The following DLGAP2 variants were observed in gnomAD, a reference collection of about 807,000 sequenced individuals.
DLGAP2 encodes the protein DLG associated protein 2.
Under a neutral mutation model 100.3 loss-of-function variants are expected in DLGAP2, and 26 were observed. The ratio of observed to expected loss-of-function variants is 0.26; its 90% CI spans 0.19 to 0.36. DLGAP2 has a LOEUF of 0.36. DLGAP2 is among the 10% of genes least tolerant of loss of function. The pLI, the probability that DLGAP2 is intolerant of heterozygous loss-of-function variation, is 1.00. For missense variants in DLGAP2, 1,858 were observed against 1,453.2 expected (o/e 1.28, Z -4.53); for synonymous variants, 886 against 630.1 (o/e 1.41, Z -6.08).
At chr8:809,458 G>GTT (rs11464466) in intron 1 of DLGAP2, among the ~76,000 whole-genome samples, 389 of 145,850 alleles carry the variant, frequency 2.7e-3, no homozygotes, top group South Asian at 4.8e-3. Context: ...TCTCTGGCAG[G>GTT]TTTTTTTTTT....
intron 2 of DLGAP2, among the ~76,000 whole-genome samples, chr8:958,611 C>A (rs1276786373): frequency 2.0e-5 from 3 of 150,684 alleles, no homozygotes; most frequent in African/African-American, 7.3e-5. Flanking sequence ...AAAACTTTTC[C>A]CGGGGATGTT....
chr8:1,343,901 C>T (rs1709276390), intron 3 of DLGAP2, among the ~76,000 whole-genome samples: 1 of 152,164 alleles, frequency 6.6e-6, no homozygotes, highest in Non-Finnish European at 1.5e-5. Context: ...CTCACGGGTG[C>T]GAGCTCCCTG....
At chr8:1,480,394 T>C (rs1247980152) in intron 3 of DLGAP2, among the ~76,000 whole-genome samples, 4 of 152,186 alleles carry the variant, frequency 2.6e-5, no homozygotes, top group African/African-American at 9.7e-5. Context: ...CATGTTTCAC[T>C]GGCAGAAGCT....
In DLGAP2 at chr8:1,285,204, C is replaced by G. The variant is rs1394149407; in HGVS notation, c.106+26321C>G. Among the ~76,000 whole-genome samples the G allele has an allele frequency of 3.3e-5, 5 of 152,276 alleles. 1 individual carries two copies. The highest frequency in any genetic ancestry group is 2.0e-4 in the Admixed American group (3 of 15,296). On this transcript the variant is annotated intron_variant, in intron 3 of 14. Coordinates refer to ENST00000637795, the MANE Select transcript of DLGAP2 (RefSeq NM_001346810.2). ...TGTGTTGGTCACGTTCCCAATGGCT[C>G]CCATCGTGGACTGAGAATATAAGTA...
chr8:1,041,139 A>G (rs974681275), intron 2 of DLGAP2, among the ~76,000 whole-genome samples: 5 of 152,196 alleles, frequency 3.3e-5, no homozygotes, highest in Non-Finnish European at 7.3e-5. Flanking sequence ...TTAATTTTAA[A>G]TAACAGTTAA....
intron 3 of DLGAP2, among the ~76,000 whole-genome samples, chr8:1,434,561 C>T (rs1258572496): frequency 3.9e-5 from 6 of 152,116 alleles, no homozygotes; most frequent in African/African-American, 1.4e-4. Context: ...ACTGCAGGCT[C>T]AACCTCCTGG....
At chr8:1,173,854 C>T (rs551513727) in intron 2 of DLGAP2, among the ~76,000 whole-genome samples, 31 of 152,330 alleles carry the variant, frequency 2.0e-4, no homozygotes, top group African/African-American at 7.5e-4. Flanking sequence ...AATGCGTCGC[C>T]CTGCTTCGGC....
At chr8:1,574,954 C>T (rs969612076) in intron 6 of DLGAP2, among the ~76,000 whole-genome samples, 1 of 152,228 alleles carries the variant, frequency 6.6e-6, no homozygotes, top group Non-Finnish European at 1.5e-5. Context: ...TGTTGTGCTT[C>T]CTGCTAGTGA....
chr8:1,591,361 C>G (rs1243710372), intron 6 of DLGAP2, among the ~76,000 whole-genome samples: 1 of 152,180 alleles, frequency 6.6e-6, no homozygotes, highest in Non-Finnish European at 1.5e-5. Context: ...AGAAAGAAGG[C>G]TCTTGACTGA....
At chr8:1,368,249 C>CATGT (rs550551975) in intron 3 of DLGAP2, among the ~76,000 whole-genome samples, 1 of 151,648 alleles carries the variant, frequency 6.6e-6, no homozygotes, top group East Asian at 1.9e-4. Context: ...TATGTGTGAG[C>CATGT]ATGTGTGTGC....
chr8:1,511,169 A>T (rs1212079825), intron 4 of DLGAP2, among the ~76,000 whole-genome samples: 2 of 151,636 alleles, frequency 1.3e-5, no homozygotes, highest in Non-Finnish European at 2.9e-5. Context: ...CTAGTGTAGG[A>T]CAATCAATAG....
At chr8:1,070,277 A>T (rs764687587) in intron 2 of DLGAP2, among the ~76,000 whole-genome samples, 1 of 152,146 alleles carries the variant, frequency 6.6e-6, no homozygotes, top group Non-Finnish European at 1.5e-5. Context: ...GGTTCAGGGC[A>T]GCTGCGAGAA....
chr8:958,582 C>CAAAAA (rs1207044026), intron 2 of DLGAP2, among the ~76,000 whole-genome samples: 1 of 85,730 alleles, frequency 1.2e-5, no homozygotes, highest in Non-Finnish European at 2.5e-5. Flanking sequence ...ACTAGACCTC[C>CAAAAA]AAAAAAAAAA....
At chr8:1,313,096 G>A (rs183956700) in intron 3 of DLGAP2, among the ~76,000 whole-genome samples, 2 of 152,320 alleles carry the variant, frequency 1.3e-5, no homozygotes, top group African/African-American at 4.8e-5. Context: ...CCCTGGACCC[G>A]GTCAGATATT....
intron 4 of DLGAP2, among the ~76,000 whole-genome samples, chr8:1,506,532 A>C (rs1397801178): frequency 2.0e-5 from 3 of 152,326 alleles, no homozygotes; most frequent in Admixed American, 1.3e-4. Context: ...TGCGGACCCA[A>C]AGAGTGAGCA....
intron 2 of DLGAP2, among the ~76,000 whole-genome samples, chr8:987,647 G>A (rs906619214): frequency 3.3e-5 from 5 of 152,102 alleles, no homozygotes; most frequent in Non-Finnish European, 7.3e-5. Context: ...ACTGCAGCTC[G>A]TGGGAATCCT....
intron 1 of DLGAP2, among the ~76,000 whole-genome samples, chr8:744,503 CCGGGG>C (rs1183781902): frequency 6.6e-6 from 1 of 152,086 alleles, no homozygotes; most frequent in Admixed American, 6.5e-5. Flanking sequence ...CGTCGCCCTC[CCGGGG>C]TGCTGGCCGT....
intron 1 of DLGAP2, among the ~76,000 whole-genome samples, chr8:881,494 CTCTTTT>C (rs1175150957): frequency 1.6e-5 from 1 of 60,828 alleles, no homozygotes; most frequent in African/African-American, 6.0e-5. Flanking sequence ...CATTTCATCT[CTCTTTT>C]TTTTTTTTTT....
chr8:1,450,359 G>A (rs531861542), intron 3 of DLGAP2, among the ~76,000 whole-genome samples: 1 of 106,640 alleles, frequency 9.4e-6, no homozygotes, highest in Admixed American at 8.6e-5. Flanking sequence ...GACCTCGGTG[G>A]CTGAGGCTGA....
Sources: allele counts gnomAD v4.1 joint callset (sites outside exome capture counted in the v4.1 genomes callset), GRCh38; gene constraint gnomAD v4.1.1; transcripts MANE v1.5; gene names NCBI Gene and HGNC (gene_info 2026-07-23, HGNC 2026-07-21).